Variants in IPCEF1 observed in about 807,000 individuals in gnomAD.
The protein encoded by IPCEF1 is interaction protein for cytohesin exchange factors 1.
Under a neutral mutation model 50.9 loss-of-function variants are expected in IPCEF1, and 31 were observed. That is an observed-to-expected ratio of 0.61 (90% CI 0.46 to 0.82). The LOEUF (loss-of-function observed/expected upper bound fraction) is 0.82, where lower values mean the gene tolerates loss of function less well. Ranked by LOEUF, IPCEF1 falls within the 40% of genes least tolerant of loss-of-function variation. IPCEF1 has a pLI of 0.00. For missense variants in IPCEF1, 458 were observed against 514.0 expected (o/e 0.89, Z 1.05); for synonymous variants, 181 against 192.0 (o/e 0.94, Z 0.47).
chr6:154,333,871 C>T (rs1783732064), intron 1 of IPCEF1, among the ~76,000 whole-genome samples: 1 of 151,748 alleles, frequency 6.6e-6, no homozygotes, highest in South Asian at 2.1e-4. Context: ...ACAGACTGCC[C>T]CTCCACCCTA....
chr6:154,194,506 A>G (rs938245988), intron 10 of IPCEF1, among the ~76,000 whole-genome samples: 7 of 151,956 alleles, frequency 4.6e-5, no homozygotes, highest in African/African-American at 7.3e-5. Flanking sequence ...TCCTTTTTCA[A>G]TTATGACCTC....
At chr6:154,311,374 G>GTGT (rs1000623919) in intron 1 of IPCEF1, among the ~76,000 whole-genome samples, 2 of 152,002 alleles carry the variant, frequency 1.3e-5, no homozygotes, top group Non-Finnish European at 2.9e-5. Context: ...TTAAATATCA[G>GTGT]TGTTCCTTAG....
intron 1 of IPCEF1, among the ~76,000 whole-genome samples, chr6:154,300,216 A>G (rs1554820): frequency 0.48 from 67,985 of 140,644 alleles, 22,519 homozygotes; most frequent in East Asian, 0.78. Context: ...AACATAGAGT[A>G]TTATTACTTA....
chr6:154,162,600 A>T (rs1377555068), intron 11 of IPCEF1, among the ~76,000 whole-genome samples: 1 of 152,196 alleles, frequency 6.6e-6, no homozygotes, highest in Non-Finnish European at 1.5e-5. Context: ...CTTGTACCAC[A>T]ATTGCTACTT....
chr6:154,212,673 TA>T, intron 9 of IPCEF1, 96 bp downstream of exon 9: 1 of 797,694 alleles, frequency 1.3e-6, no homozygotes. Flanking sequence ...TAGCCCATTC[TA>T]AAAATTTATT....
At chr6:154,209,089 C>T (rs1171891329) in intron 9 of IPCEF1, among the ~76,000 whole-genome samples, 1 of 152,112 alleles carries the variant, frequency 6.6e-6, no homozygotes, top group African/African-American at 2.4e-5. Flanking sequence ...GAAGTCCAAA[C>T]TGGTTTCATT....
chr6:154,170,560 C>T (rs564405781), intron 10 of IPCEF1, among the ~76,000 whole-genome samples: 69 of 152,378 alleles, frequency 4.5e-4, no homozygotes, highest in Non-Finnish European at 8.4e-4. Context: ...AGCACAACCT[C>T]CTTTTTCTCT....
At chr6:154,185,400 T>C (rs1459953357) in intron 10 of IPCEF1, among the ~76,000 whole-genome samples, 1 of 152,252 alleles carries the variant, frequency 6.6e-6, no homozygotes, top group Non-Finnish European at 1.5e-5. Flanking sequence ...TAATTTTTAA[T>C]GGCAAAAAGT....
intron 6 of IPCEF1, among the ~76,000 whole-genome samples, chr6:154,221,637 G>T (rs1355122145): frequency 6.6e-6 from 1 of 152,094 alleles, no homozygotes; most frequent in Non-Finnish European, 1.5e-5. Flanking sequence ...ACTTTGGGAG[G>T]CCGAGGCGGG....
chr6:154,284,956 C>T (rs562253643), intron 2 of IPCEF1, among the ~76,000 whole-genome samples: 9 of 152,128 alleles, frequency 5.9e-5, no homozygotes, highest in South Asian at 4.1e-4. Context: ...GCCGAGATCA[C>T]GCCACTGCAC....
chr6:154,282,509 T>A (rs143111571), intron 2 of IPCEF1, among the ~76,000 whole-genome samples: 2 of 151,910 alleles, frequency 1.3e-5, no homozygotes, highest in Admixed American at 6.6e-5. Flanking sequence ...GGTGAAACCC[T>A]ATCTCTACTA....
intron 1 of IPCEF1, among the ~76,000 whole-genome samples, chr6:154,301,211 A>T (rs1472348178): frequency 1.3e-5 from 2 of 152,202 alleles, no homozygotes; most frequent in African/African-American, 4.8e-5. Flanking sequence ...CTACATGTGT[A>T]TCCCTGATCC....
chr6:154,159,944 G>A lies in IPCEF1; in HGVS notation c.1201C>T (p.Leu401=). 6.2e-7 allele frequency: 1 copy of A among 1,613,646 alleles called. No individual in the cohort carries two copies. Among genetic ancestry groups the A allele is most frequent in the Non-Finnish European group, 8.5e-7 (1 of 1,179,942 alleles). ...TGCTGCTGATAGATGTCCTGGATCA[G>A]CAGGGTGTTCATGACTTTCCACTCT... ...YREWKVMNTL[L]IQDIYQQQRA... The change falls in exon 12 of 12, where the codon CTG becomes TTG. Residue 401 remains leucine, a synonymous_variant. Coordinates refer to ENST00000367220, the MANE Select transcript of IPCEF1 (RefSeq NM_001130700.2).
chr6:154,168,231 C>A lies in IPCEF1; in HGVS notation c.911-118G>T. ...ACTGGCACCCTCATCTCAGACTTCT[C>A]TCCGGAACTGAAAGACAATAAATGT... On this transcript the variant is annotated intron_variant, in intron 10 of 11. Transcript: ENST00000367220. The surrounding 1 kb of genome is among the most constrained non-coding windows in gnomAD (Gnocchi z 4.1). 1.4e-6 allele frequency: 1 copy of A among 691,506 alleles called. No homozygotes were observed. Among genetic ancestry groups the A allele is most frequent in the South Asian group, 2.9e-5 (1 of 34,990 alleles). The allele number at this position is 691,506 out of a possible 1,614,324, so 42.8% of individuals were successfully genotyped here.
intron 1 of IPCEF1, among the ~76,000 whole-genome samples, chr6:154,302,908 T>G (rs868771609): frequency 5.9e-5 from 9 of 152,240 alleles, no homozygotes; most frequent in Middle Eastern, 3.4e-3. Flanking sequence ...TAATTACTTA[T>G]TTCTTATCCT....
intron 10 of IPCEF1, among the ~76,000 whole-genome samples, chr6:154,186,125 T>C (rs1243016845): frequency 1.3e-5 from 2 of 152,220 alleles, no homozygotes; most frequent in African/African-American, 4.8e-5. Context: ...TGCTGAAGAT[T>C]ATCCATTTTA....
At position 154,187,904 on chromosome 6, in the gene IPCEF1, G is replaced by A. The variant is rs112088569; in HGVS notation, c.910+11764C>T. ...ACTTGGTGGCAGAGGTGATGAAAAA[G>A]TACCTACTTCCAACTTGGTGGTAGA... On this transcript the variant is annotated intron_variant, in intron 10 of 11. Transcript: ENST00000367220. 4.5e-3 allele frequency among the ~76,000 whole-genome samples: 687 copies of A among 152,280 alleles called. 6 individuals carry two copies. The highest frequency in any genetic ancestry group is 0.014 in the African/African-American group (597 of 41,538).
chr6:154,275,413 C>T (rs1474091961), intron 2 of IPCEF1, among the ~76,000 whole-genome samples: 1 of 152,152 alleles, frequency 6.6e-6, no homozygotes, highest in Non-Finnish European at 1.5e-5. Context: ...CCTTCCAGGT[C>T]CCTACTAGGG....
intron 3 of IPCEF1, among the ~76,000 whole-genome samples, chr6:154,256,568 C>CGTGTGT (rs67830808): frequency 6.8e-6 from 1 of 147,588 alleles, no homozygotes; most frequent in South Asian, 2.2e-4. Flanking sequence ...TCTCTCTGTG[C>CGTGTGT]GTGTGTGTGT....
Sources: gnomAD v4.1 joint callset for allele counts (sites outside exome capture counted in the v4.1 genomes callset) on GRCh38, gnomAD v4.1.1 for gene constraint, Gnocchi (gnomAD v3.1) non-coding constraint, MANE v1.5 for transcripts, NCBI Gene and HGNC (gene_info 2026-07-23, HGNC 2026-07-21) for gene names.